SGCD: variants seen among roughly 807,000 people sequenced by gnomAD.
SGCD encodes delta-sarcoglycan.
In SGCD, 18 loss-of-function variants were observed where a neutral mutation model predicts 36.6. The observed-to-expected ratio is 0.49, with a 90% CI of 0.34 to 0.73. The LOEUF (loss-of-function observed/expected upper bound fraction) is 0.73. SGCD is among the 30% of genes least tolerant of loss of function. The probability of loss-of-function intolerance (pLI) is 0.01; values close to 1 mark genes in which losing one functional copy is unlikely to be tolerated. For synonymous variants in SGCD, 133 were observed against 130.6 expected (o/e 1.02, Z -0.12); for missense variants, 387 against 346.7 (o/e 1.12, Z -0.92).
chr5:156,103,818 C>A (rs1356457479), intron 1 of SGCD, among the ~76,000 whole-genome samples: 1 of 152,134 alleles, frequency 6.6e-6, no homozygotes, highest in Non-Finnish European at 1.5e-5. Flanking sequence ...TATTGTTTTA[C>A]TTCCCAATAG....
chr5:156,538,915 G>A (rs1239029719), intron 4 of SGCD, among the ~76,000 whole-genome samples: 1 of 151,920 alleles, frequency 6.6e-6, no homozygotes, highest in Non-Finnish European at 1.5e-5. Flanking sequence ...TTAAATCAGG[G>A]GTGTAGATAA....
chr5:156,108,624 T>C (rs2127598614), intron 1 of SGCD, among the ~76,000 whole-genome samples: 1 of 152,300 alleles, frequency 6.6e-6, no homozygotes, highest in South Asian at 2.1e-4. Context: ...CTCCTAATTG[T>C]ATTTACTTTA....
chr5:156,423,111 A>C (rs931891768), intron 3 of SGCD, among the ~76,000 whole-genome samples: 42 of 140,058 alleles, frequency 3.0e-4, no homozygotes, highest in African/African-American at 1.0e-3. Flanking sequence ...AAACAACTGA[A>C]AAAGGAAATA....
chr5:155,993,708 T>A (rs891489733), intron 1 of SGCD, among the ~76,000 whole-genome samples: 1 of 152,184 alleles, frequency 6.6e-6, no homozygotes, highest in African/African-American at 2.4e-5. Context: ...GTTGATGTTA[T>A]CTGTTGGTCA....
intron 3 of SGCD, among the ~76,000 whole-genome samples, chr5:156,398,510 A>G (rs1339026987): frequency 6.6e-6 from 1 of 152,178 alleles, no homozygotes; most frequent in African/African-American, 2.4e-5. Context: ...CTTTCTTTAT[A>G]GTTATGCATG....
intron 3 of SGCD, among the ~76,000 whole-genome samples, chr5:156,504,361 T>C (rs541621484): frequency 1.3e-5 from 2 of 149,088 alleles, no homozygotes; most frequent in Non-Finnish European, 3.0e-5. Context: ...ATTTTTGTTA[T>C]ATGTACATGA....
chr5:156,306,038 C>G (rs541806945), intron 3 of SGCD, among the ~76,000 whole-genome samples: 1 of 152,134 alleles, frequency 6.6e-6, no homozygotes, highest in African/African-American at 2.4e-5. Context: ...CTTGCCTTGT[C>G]CCAGATGAGA....
At chr5:155,858,347 A>G in the SGCD span, among the ~76,000 whole-genome samples, 102 of 152,338 alleles carry the variant, frequency 6.7e-4, 1 homozygote, top group South Asian at 4.6e-3. Context: ...ATGTATACAT[A>G]CATATATCAA....
chr5:156,273,194 C>T (rs1341354809), intron 3 of SGCD, among the ~76,000 whole-genome samples: 2 of 152,174 alleles, frequency 1.3e-5, no homozygotes, highest in African/African-American at 2.4e-5. Flanking sequence ...ACATCATCAC[C>T]TAGGATTACA....
At chr5:156,292,070 T>C (rs1252018145) in intron 3 of SGCD, among the ~76,000 whole-genome samples, 1 of 152,120 alleles carries the variant, frequency 6.6e-6, no homozygotes, top group Non-Finnish European at 1.5e-5. Context: ...TTAGATGCTG[T>C]GTATAAGTGA....
At chr5:155,931,127 C>A (rs1353036922) in intron 1 of SGCD, among the ~76,000 whole-genome samples, 1 of 151,984 alleles carries the variant, frequency 6.6e-6, no homozygotes, top group African/African-American at 2.4e-5. Flanking sequence ...GTATTTGAAC[C>A]AAGTCACAGA....
the SGCD span, among the ~76,000 whole-genome samples, chr5:155,784,060 T>G: frequency 2.0e-5 from 3 of 152,112 alleles, no homozygotes; most frequent in Admixed American, 6.6e-5. Context: ...TGGTCCCTGC[T>G]CAGAAAGGGC....
At chr5:155,945,035 C>T (rs1173951285) in intron 1 of SGCD, among the ~76,000 whole-genome samples, 4 of 151,800 alleles carry the variant, frequency 2.6e-5, no homozygotes, top group African/African-American at 9.7e-5. Context: ...ATTTTAGGTA[C>T]CAAAAATAAA....
At chr5:156,593,347 A>C (rs774172393) in intron 5 of SGCD, among the ~76,000 whole-genome samples, 3 of 152,126 alleles carry the variant, frequency 2.0e-5, no homozygotes, top group Non-Finnish European at 4.4e-5. Context: ...GAACACGCGC[A>C]CCAGACAAGG....
chr5:156,195,190 A>G (rs1362172699), intron 3 of SGCD, among the ~76,000 whole-genome samples: 1 of 152,164 alleles, frequency 6.6e-6, no homozygotes. Flanking sequence ...CCTCATTTAA[A>G]CCCTGTGCTA....
At chr5:156,290,377 C>T (rs1766726391) in intron 3 of SGCD, among the ~76,000 whole-genome samples, 2 of 152,132 alleles carry the variant, frequency 1.3e-5, no homozygotes, top group Non-Finnish European at 2.9e-5. Flanking sequence ...TGATCATTGC[C>T]TGGTTACTCC....
chr5:156,518,333 A>T (rs990742518), intron 4 of SGCD, among the ~76,000 whole-genome samples: 1 of 152,198 alleles, frequency 6.6e-6, no homozygotes, highest in Non-Finnish European at 1.5e-5. Flanking sequence ...ACCCAGATTC[A>T]TAAAACAAGT....
chr5:156,016,420 A>G (rs2127572138), intron 1 of SGCD, among the ~76,000 whole-genome samples: 1 of 152,260 alleles, frequency 6.6e-6, no homozygotes, highest in African/African-American at 2.4e-5. Flanking sequence ...TTGTTTTGGC[A>G]TACATAGAAT....
In SGCD at chr5:156,067,196, G is replaced by C. The variant is rs1293458339; in HGVS notation, c.-281-50682G>C. Among the ~76,000 whole-genome samples the C allele has an allele frequency of 3.4e-5, 3 of 89,226 alleles. 1 individual carries two copies. Among genetic ancestry groups the C allele is most frequent in the Non-Finnish European group, 5.8e-5 (3 of 51,924 alleles). 58.5% of individuals were successfully genotyped at this position (89,226 alleles called of 152,430 possible). ...TGCAGGTCTGTTGGAATACCCTGCC[G>C]TGTGAGGTGTCAGTGTGCCCCTGCT... On this transcript the variant is annotated intron_variant, in intron 1 of 9. Coordinates refer to the SGCD transcript ENST00000517913.
Sources: gnomAD v4.1 joint callset for allele counts (sites outside exome capture counted in the v4.1 genomes callset) on GRCh38, gnomAD v4.1.1 for gene constraint, MANE v1.5 for transcripts, NCBI Gene and HGNC (gene_info 2026-07-23, HGNC 2026-07-21) for gene names.